TTC6: variants seen among roughly 807,000 people sequenced by gnomAD.
TTC6 encodes tetratricopeptide repeat domain 6, also known as tetratricopeptide repeat protein 6.
A neutral mutation model predicts 210.4 loss-of-function variants in TTC6; 172 were observed. The ratio of observed to expected loss-of-function variants is 0.82; its 90% CI spans 0.72 to 0.93. TTC6 has a LOEUF of 0.93. TTC6 is among the 40% of genes least tolerant of loss of function. The pLI is 0.00. For synonymous variants in TTC6, 804 were observed against 819.6 expected (o/e 0.98, Z 0.32); for missense variants, 2,414 against 2,318.1 (o/e 1.04, Z -0.85).
chr14:37,709,103 C>G (rs1028744358), intron 5 of TTC6, among the ~76,000 whole-genome samples: 3 of 151,984 alleles, frequency 2.0e-5, no homozygotes, highest in African/African-American at 7.2e-5. Context: ...CCCCTACCAT[C>G]TGCCATTTCT....
intron 4 of TTC6, among the ~76,000 whole-genome samples, chr14:37,697,480 A>T (rs2095817052): frequency 6.6e-6 from 1 of 152,086 alleles, no homozygotes; most frequent in South Asian, 2.1e-4. Context: ...ATTCTTCTTC[A>T]TTTAACTCTT....
At chr14:37,625,759 T>A (rs933013593) in intron 1 of TTC6, among the ~76,000 whole-genome samples, 6 of 152,140 alleles carry the variant, frequency 3.9e-5, no homozygotes, top group Non-Finnish European at 8.8e-5. Flanking sequence ...AGAGGGAAGC[T>A]GAGAGGTAAG....
intron 3 of TTC6, among the ~76,000 whole-genome samples, chr14:37,694,483 A>G (rs1004318708): frequency 3.3e-5 from 5 of 152,186 alleles, no homozygotes; most frequent in Admixed American, 6.5e-5. Flanking sequence ...ATGGGAATGT[A>G]AATTAGTACA....
At chr14:37,792,958 AAT>A (rs1595274802) in intron 17 of TTC6, among the ~76,000 whole-genome samples, 1 of 152,154 alleles carries the variant, frequency 6.6e-6, no homozygotes, top group East Asian at 1.9e-4. Context: ...TGCCGTGACA[AAT>A]TAAAACAGCA....
chr14:37,677,194 A>G (rs1595092943), intron 1 of TTC6, among the ~76,000 whole-genome samples: 2 of 152,200 alleles, frequency 1.3e-5, no homozygotes, highest in East Asian at 1.9e-4. Flanking sequence ...ATCCATGGAC[A>G]TAAGATGCCT....
At chr14:37,800,105 A>G (rs2096102805) in intron 20 of TTC6, among the ~76,000 whole-genome samples, 1 of 152,206 alleles carries the variant, frequency 6.6e-6, no homozygotes, top group South Asian at 2.1e-4. Context: ...AGCAGTGGGC[A>G]GAGGCTGAAA....
chr14:37,831,343 T>G lies in TTC6; in HGVS notation c.5298+3977T>G, dbSNP rs370736271. Among the ~76,000 whole-genome samples, 37 of 152,276 alleles carry G rather than the reference T, an allele frequency of 2.4e-4. No individual in the cohort carries two copies. The East Asian group carries it at 4.6e-3, about 19-fold the overall frequency. ...TTCACCTGCTGATGGACACTTAGGG[T>G]GATTCCATATCTTGGCTATTGTGAA... On this transcript the variant is annotated intron_variant, in intron 29 of 30. Coordinates refer to ENST00000553443, the Ensembl canonical transcript of TTC6.
intron 1 of TTC6, among the ~76,000 whole-genome samples, chr14:37,637,778 G>A (rs1349588256): frequency 6.6e-6 from 1 of 152,186 alleles, no homozygotes; most frequent in African/African-American, 2.4e-5. Context: ...ACAGTGACAT[G>A]TCACTGCACA....
chr14:37,786,184 T>A (rs1453645844), intron 14 of TTC6, among the ~76,000 whole-genome samples: 1 of 152,160 alleles, frequency 6.6e-6, no homozygotes, highest in Non-Finnish European at 1.5e-5. Flanking sequence ...TCTGCAGAAG[T>A]TTCTGCTGCC....
chr14:37,795,704 A>T (rs769721632), intron 18 of TTC6, among the ~76,000 whole-genome samples: 2 of 152,162 alleles, frequency 1.3e-5, no homozygotes, highest in African/African-American at 2.4e-5. Context: ...AAACATAAGC[A>T]TGTGTACTAA....
chr14:37,779,757 T>C (rs1240149337), intron 14 of TTC6, among the ~76,000 whole-genome samples: 1 of 152,178 alleles, frequency 6.6e-6, no homozygotes, highest in Non-Finnish European at 1.5e-5. Context: ...GAAGGGACAT[T>C]ACTTGCAGGA....
chr14:37,672,821 ATTTTTT>A (rs377117749), intron 1 of TTC6, among the ~76,000 whole-genome samples: 1 of 129,024 alleles, frequency 7.8e-6, no homozygotes, highest in East Asian at 2.2e-4. Context: ...TGAATTCCTC[ATTTTTT>A]TTTTTTTTTT....
chr14:37,740,968 C>T (rs1312364651), intron 10 of TTC6, among the ~76,000 whole-genome samples: 2 of 152,078 alleles, frequency 1.3e-5, no homozygotes, highest in Non-Finnish European at 2.9e-5. Context: ...TCTTACTGAC[C>T]TTTTATCATT....
chr14:37,705,465 A>G (rs1378644969), intron 5 of TTC6, among the ~76,000 whole-genome samples: 1 of 152,170 alleles, frequency 6.6e-6, no homozygotes, highest in African/African-American at 2.4e-5. Flanking sequence ...TAAATATGGG[A>G]TTCCAGACTT....
intron 1 of TTC6, among the ~76,000 whole-genome samples, 180 bp downstream of exon 3, chr14:37,623,183 T>G (rs1458612019): frequency 6.6e-6 from 1 of 152,202 alleles, no homozygotes; most frequent in African/African-American, 2.4e-5. Flanking sequence ...CATTTGAATT[T>G]TTGAATTTTC....
intron 14 of TTC6, among the ~76,000 whole-genome samples, chr14:37,786,861 A>G (rs974047839): frequency 6.6e-6 from 1 of 152,216 alleles, no homozygotes; most frequent in African/African-American, 2.4e-5. Flanking sequence ...AAAAATGGAT[A>G]TGCTTCACAT....
chr14:37,708,869 T>C (rs1056507763), intron 5 of TTC6, among the ~76,000 whole-genome samples: 4 of 152,040 alleles, frequency 2.6e-5, no homozygotes, highest in African/African-American at 9.7e-5. Context: ...GTGGGAGACT[T>C]CTCTGTTGTT....
intron 14 of TTC6, among the ~76,000 whole-genome samples, chr14:37,777,726 G>A (rs1461184877): frequency 6.6e-6 from 1 of 150,882 alleles, no homozygotes; most frequent in Non-Finnish European, 1.5e-5. Context: ...CATCTTTTTG[G>A]GCTGAAGTTC....
intron 25 of TTC6, among the ~76,000 whole-genome samples, chr14:37,816,749 C>T (rs78322840): frequency 3.6e-4 from 54 of 151,990 alleles, no homozygotes; most frequent in Non-Finnish European, 6.3e-4. Context: ...TTTGTTTTGC[C>T]GTTATATATT....
Sources: gnomAD v4.1 joint callset for allele counts (sites outside exome capture counted in the v4.1 genomes callset) on GRCh38, gnomAD v4.1.1 for gene constraint, MANE v1.5 for transcripts, NCBI Gene and HGNC (gene_info 2026-07-23, HGNC 2026-07-21) for gene names.